The following ZNF317 variants were observed in gnomAD, a reference collection of about 807,000 sequenced individuals.
ZNF317 encodes the protein zinc finger protein 317.
Under a neutral mutation model 23.4 loss-of-function variants are expected in ZNF317, and 17 were observed. That is an observed-to-expected ratio of 0.73 (90% CI 0.50 to 1.09). The LOEUF (loss-of-function observed/expected upper bound fraction) is 1.09, where lower values mean the gene tolerates loss of function less well. Among genes scored for constraint, ZNF317 ranks in the 50% least tolerant of loss-of-function variants. ZNF317 has a pLI of 0.00. For missense variants in ZNF317, 679 were observed against 796.7 expected, an observed-to-expected ratio of 0.85 and a Z score of 1.78; for synonymous variants, 317 against 314.9, an observed-to-expected ratio of 1.01 and a Z score of -0.07.
In ZNF317 at chr19:9,161,657, A is replaced by G; in HGVS notation, c.*224A>G. ...AAAATGTACGTCTGTAGCATGGAGA[A>G]GCCTTCAGGGTACATTCAGCTCTTA... On this transcript the variant is annotated 3_prime_UTR_variant, in exon 7 of 7. Coordinates refer to ENST00000247956, the MANE Select transcript of ZNF317 (RefSeq NM_020933.5). The surrounding 1 kb of genome is among the most constrained non-coding windows in gnomAD (Gnocchi z 4.0). 5.3e-6 allele frequency: 3 copies of G among 568,302 alleles called. No homozygotes were observed. 35.2% of individuals were successfully genotyped at this position (568,302 alleles called of 1,614,324 possible).
intron 1 of ZNF317, among the ~76,000 whole-genome samples, chr19:9,154,782 A>T (rs1275661760): frequency 6.6e-6 from 1 of 152,194 alleles, no homozygotes. Context: ...CTTGTTAAAA[A>T]CTGCCAAAGT....
intron 6 of ZNF317, 136 bp from the exon 7 acceptor site, chr19:9,159,978 T>C (rs112329499): frequency 0.072 from 95,151 of 1,313,932 alleles, 3,957 homozygotes; most frequent in African/African-American, 0.17. Flanking sequence ...GACAGCACGT[T>C]TGCACGGCAG....
chr19:9,148,588 T>C (rs1224432611), intron 1 of ZNF317, among the ~76,000 whole-genome samples: 1 of 152,228 alleles, frequency 6.6e-6, no homozygotes, highest in Non-Finnish European at 1.5e-5. Flanking sequence ...TGTCTCAGTA[T>C]GAAGGCAAAT....
intron 5 of ZNF317, among the ~76,000 whole-genome samples, chr19:9,158,492 G>A (rs139712048): frequency 4.2e-5 from 6 of 143,358 alleles, no homozygotes; most frequent in African/African-American, 1.3e-4. Flanking sequence ...GCATGATGCC[G>A]CCATGCCTAC....
intron 1 of ZNF317, among the ~76,000 whole-genome samples, chr19:9,142,135 G>A (rs1473280106): frequency 1.3e-5 from 2 of 152,178 alleles, no homozygotes; most frequent in Non-Finnish European, 2.9e-5. Flanking sequence ...CCTGCAAAAA[G>A]GATTTAGGTT....
rs918921445 is a variant in ZNF317 at position 9,161,303 on chromosome 19, C to A, written c.1658C>A (p.Thr553Asn). The A allele has an allele frequency of 3.7e-6, 6 of 1,613,756 alleles. No individual in the cohort carries two copies. The highest frequency in any genetic ancestry group is 1.3e-5 in the African/African-American group (1 of 74,884). Residue 553 changes from threonine (T) to asparagine (N), a missense_variant, in exon 7 of 7, where the codon ACC becomes AAC. By Grantham distance (65) the Thr-to-Asn change is moderately conservative (BLOSUM62 0). Coordinates refer to ENST00000247956, the MANE Select transcript of ZNF317 (RefSeq NM_020933.5). This position sits in a 1 kb window ranked among gnomAD's most constrained non-coding sequence, Gnocchi z 4.0. ...SNLNVHRRIH[T>N]GEKPYECLVC... ...CTGAATGTGCACAGGCGGATCCACACCGGGGAGAAGCCCTACGAATGCCTT... is the reference window on the plus strand; with the variant it reads ...CTGAATGTGCACAGGCGGATCCACAACGGGGAGAAGCCCTACGAATGCCTT...
At position 9,156,673 on chromosome 19, in the gene ZNF317, C is replaced by A. The variant is rs759990743; in HGVS notation, c.87C>A (p.Asp29Glu). Residue 29 changes from aspartate (D) to glutamate (E), a missense_variant, in exon 3 of 7, where the codon GAC becomes GAA. Coordinates refer to ENST00000247956, the MANE Select transcript of ZNF317 (RefSeq NM_020933.5). ...CAGAATTTCCTGTTTCTTCAAAAGA[C>A]CATTCCTGTCCCCAGAATTTGGACC... ...QDSEFPVSSK[D>E]HSCPQNLDLF... 1 of 1,614,116 alleles carries A rather than the reference C, an allele frequency of 6.2e-7. No individual in the cohort carries two copies. Among genetic ancestry groups the A allele is most frequent in the Non-Finnish European group, 8.5e-7 (1 of 1,180,006 alleles).
intron 1 of ZNF317, among the ~76,000 whole-genome samples, chr19:9,147,243 A>C (rs938912697): frequency 6.6e-6 from 1 of 152,272 alleles, no homozygotes; most frequent in Admixed American, 6.5e-5. Flanking sequence ...AAGAAAATTA[A>C]AAGAGAAATT....
intron 1 of ZNF317, among the ~76,000 whole-genome samples, chr19:9,152,186 G>T (rs1011876981): frequency 6.6e-6 from 1 of 152,142 alleles, no homozygotes; most frequent in Admixed American, 6.5e-5. Flanking sequence ...GATTACAGGC[G>T]TGAGCCACCG....
At chr19:9,158,196 T>G in intron 5 of ZNF317, 121 bp downstream of exon 5, 1 of 1,293,156 alleles carries the variant, frequency 7.7e-7, no homozygotes, top group South Asian at 1.7e-5. Flanking sequence ...TTCCCTCTTT[T>G]TGCCCATCCA....
Position 9,156,044 on chromosome 19 carries a change from A to G in ZNF317, c.25+3A>G, listed in dbSNP as rs1333293580. ...GGCAGCTCTGTCCCCCACATTTGGT[A>G]AGTTCTTGGGTCAGTGCGTGCCCTG... is the stretch of plus-strand genomic sequence containing the variant. On this transcript the variant is annotated splice_donor_region_variant and intron_variant, in intron 2 of 6. Transcript: ENST00000247956. 6.2e-7 allele frequency: 1 copy of G among 1,613,986 alleles called. No homozygotes were observed.
At position 9,157,828 on chromosome 19, in the gene ZNF317, C is replaced by A. The variant is rs547792048; in HGVS notation, c.290-152C>A. 4.3e-6 allele frequency: 6 copies of A among 1,393,482 alleles called. No individual in the cohort carries two copies. The East Asian group carries it at 1.6e-4, about 37-fold the overall frequency. The allele number at this position is 1,393,482 out of a possible 1,614,324, so 86.3% of individuals were successfully genotyped here. On this transcript the variant is annotated intron_variant, in intron 4 of 6. Transcript: ENST00000247956. ...ATCAGTCAAAAACTTTTACTGTGTTCCTTAGAAATTTTGGCACCACCATTT... is the reference window on the plus strand; with the variant it reads ...ATCAGTCAAAAACTTTTACTGTGTTACTTAGAAATTTTGGCACCACCATTT...
intron 5 of ZNF317, 130 bp downstream of exon 5, chr19:9,158,205 C>T: frequency 8.3e-7 from 1 of 1,200,422 alleles, no homozygotes; most frequent in Non-Finnish European, 1.1e-6. Flanking sequence ...TTTGCCCATC[C>T]ATTCTCTGAC....
intron 1 of ZNF317, among the ~76,000 whole-genome samples, chr19:9,144,501 C>T (rs747515208): frequency 1.3e-5 from 2 of 151,786 alleles, no homozygotes; most frequent in Admixed American, 6.6e-5. Flanking sequence ...TTTTTATTTT[C>T]TGTACATTTT....
intron 2 of ZNF317, 134 bp from the exon 3 acceptor site, chr19:9,156,478 G>C (rs528888389): frequency 3.4e-6 from 4 of 1,186,686 alleles, no homozygotes; most frequent in African/African-American, 1.5e-5. Context: ...CAAGAGAGGT[G>C]GGGGGAGGAA....
chr19:9,152,052 A>G (rs10410183), intron 1 of ZNF317, among the ~76,000 whole-genome samples: 14,823 of 151,664 alleles, frequency 0.098, 855 homozygotes, highest in African/African-American at 0.17. Context: ...GACTACAGGC[A>G]CTCATCACCA....
At chr19:9,158,133 G>T in intron 5 of ZNF317, 58 bp downstream of exon 5, 1 of 1,502,348 alleles carries the variant, frequency 6.7e-7, no homozygotes, top group Non-Finnish European at 8.9e-7. Context: ...CAGTGACTGG[G>T]GTGGAGGGAG....
chr19:9,158,677 A>C, intron 5 of ZNF317, 149 bp from the exon 6 acceptor site: 1 of 623,574 alleles, frequency 1.6e-6, no homozygotes, highest in Non-Finnish European at 2.9e-6. Flanking sequence ...ATTGCCAAAT[A>C]TCTCACATGA....
chr19:9,161,343 C>T lies in ZNF317; in HGVS notation c.1698C>T (p.Ala566=), dbSNP rs1488979889. The change falls in exon 7 of 7, where the codon GCC becomes GCT. Residue 566 remains alanine, a synonymous_variant. Coordinates refer to ENST00000247956, the MANE Select transcript of ZNF317 (RefSeq NM_020933.5). The surrounding 1 kb of genome is among the most constrained non-coding windows in gnomAD (Gnocchi z 4.0). ...ACGAATGCCTTGTCTGCGGGAAAGC[C>T]TTCAGCGACCACTCATCCCTCAGGA... ...KPYECLVCGK[A]FSDHSSLRSH... 2 of 1,614,222 alleles carry T rather than the reference C, an allele frequency of 1.2e-6. No individual in the cohort carries two copies. Among genetic ancestry groups the T allele is most frequent in the Non-Finnish European group, 1.7e-6 (2 of 1,180,036 alleles).
Sources: gnomAD v4.1 joint callset for allele counts (sites outside exome capture counted in the v4.1 genomes callset) on GRCh38, gnomAD v4.1.1 for gene constraint, Gnocchi (gnomAD v3.1) non-coding constraint, MANE v1.5 for transcripts, NCBI Gene and HGNC (gene_info 2026-07-23, HGNC 2026-07-21) for gene names.